Variants in HECW1 observed in about 807,000 individuals in gnomAD.
The protein encoded by HECW1 is E3 ubiquitin-protein ligase HECW1.
In HECW1, 61 loss-of-function variants were observed where a neutral mutation model predicts 182.3. That is an observed-to-expected ratio of 0.33 (90% CI 0.27 to 0.41). HECW1 has a LOEUF of 0.41. HECW1 is among the 10% of genes least tolerant of loss of function. The pLI is 1.00. For missense variants in HECW1, 1,739 were observed against 2,108.9 expected (o/e 0.82, Z 3.44); for synonymous variants, 859 against 832.6 (o/e 1.03, Z -0.55).
At chr7:43,258,005 T>C (rs1800762926) in intron 3 of HECW1, among the ~76,000 whole-genome samples, 1 of 152,162 alleles carries the variant, frequency 6.6e-6, no homozygotes, top group South Asian at 2.1e-4. Flanking sequence ...ATTTTATAGA[T>C]AATAAAATTG....
intron 2 of HECW1, among the ~76,000 whole-genome samples, chr7:43,119,479 C>T (rs924961101): frequency 5.3e-5 from 8 of 152,148 alleles, no homozygotes; most frequent in African/African-American, 1.4e-4. Context: ...AATGCGGGTA[C>T]GGGGATTCCC....
chr7:43,467,426 C>A (rs1436867879), intron 15 of HECW1, among the ~76,000 whole-genome samples: 2 of 151,790 alleles, frequency 1.3e-5, no homozygotes, highest in African/African-American at 4.8e-5. Flanking sequence ...GTGTGGGTGG[C>A]TGGCAGGAGG....
At chr7:43,141,152 G>A (rs994909778) in intron 2 of HECW1, among the ~76,000 whole-genome samples, 2 of 152,182 alleles carry the variant, frequency 1.3e-5, no homozygotes, top group Non-Finnish European at 2.9e-5. Flanking sequence ...CCAGCACTGC[G>A]AGGTGACATT....
At chr7:43,469,246 T>C in intron 16 of HECW1, 141 bp downstream of exon 16, 1 of 804,810 alleles carries the variant, frequency 1.2e-6, no homozygotes, top group Non-Finnish European at 2.0e-6. Context: ...AAGGGGCTGA[T>C]AACCACCCAC....
chr7:43,250,835 AAAATC>A (rs1486220574), intron 3 of HECW1, among the ~76,000 whole-genome samples: 1 of 152,186 alleles, frequency 6.6e-6, no homozygotes, highest in Non-Finnish European at 1.5e-5. Flanking sequence ...TCTCTTGAAA[AAAATC>A]AAAAGCTCCT....
intron 2 of HECW1, among the ~76,000 whole-genome samples, chr7:43,210,759 G>C (rs1795938923): frequency 6.6e-6 from 1 of 152,204 alleles, no homozygotes; most frequent in Admixed American, 6.5e-5. Context: ...ATCCAGAGCA[G>C]CAATGGGCGC....
intron 16 of HECW1, among the ~76,000 whole-genome samples, chr7:43,479,300 C>G (rs974985730): frequency 2.0e-5 from 3 of 152,078 alleles, no homozygotes; most frequent in African/African-American, 7.2e-5. Context: ...CAACCCAGAT[C>G]CCACACATGC....
chr7:43,195,960 G>C (rs1562659303), intron 2 of HECW1, among the ~76,000 whole-genome samples: 1 of 152,170 alleles, frequency 6.6e-6, no homozygotes, highest in African/African-American at 2.4e-5. Flanking sequence ...AGCGTATAAT[G>C]AGGTTCTAGG....
chr7:43,383,868 T>C (rs2074662293), intron 6 of HECW1, among the ~76,000 whole-genome samples: 1 of 152,210 alleles, frequency 6.6e-6, no homozygotes, highest in Admixed American at 6.5e-5. Flanking sequence ...TTGTATTATA[T>C]ACCATATTCT....
chr7:43,135,270 G>A (rs1297310840), intron 2 of HECW1, among the ~76,000 whole-genome samples: 7 of 152,086 alleles, frequency 4.6e-5, no homozygotes, highest in Non-Finnish European at 1.0e-4. Flanking sequence ...GCTGCCAGGT[G>A]GAGCTCCTGA....
At chr7:43,166,093 GT>G (rs1006956528) in intron 2 of HECW1, among the ~76,000 whole-genome samples, 1 of 151,806 alleles carries the variant, frequency 6.6e-6, no homozygotes, top group African/African-American at 2.4e-5. Context: ...TGTGTTTTTG[GT>G]TTTTTTTGAG....
rs988131517 is a variant in HECW1 at position 43,565,374 on chromosome 7, A to G, written c.*3448A>G. On this transcript the variant is annotated 3_prime_UTR_variant, in exon 30 of 30. Transcript: ENST00000395891. ...GAACAGTAAGTATATTTGTGTGGCA[A>G]GCCAATGGCTGAGTTTTCCAGGGTA... 6.3e-5 allele frequency: 13 copies of G among 205,716 alleles called. No homozygotes were observed. Among genetic ancestry groups the G allele is most frequent in the African/African-American group, 2.7e-4 (12 of 43,718 alleles). The allele number at this position is 205,716 out of a possible 1,614,324, so 12.7% of individuals were successfully genotyped here. A position where few individuals can be genotyped will look rare whatever the true frequency, so the allele number is the denominator to read the frequency against.
chr7:43,307,934 T>C (rs1807831484), intron 3 of HECW1, among the ~76,000 whole-genome samples: 2 of 132,412 alleles, frequency 1.5e-5, no homozygotes, highest in African/African-American at 5.6e-5. Flanking sequence ...ACACATATAG[T>C]GAAATGTATT....
chr7:43,564,852 G>A lies in HECW1; in HGVS notation c.*2926G>A, dbSNP rs570251571. 1 of 183,908 alleles carries A rather than the reference G, an allele frequency of 5.4e-6. No individual in the cohort carries two copies. The highest frequency in any genetic ancestry group is 6.2e-5 in the Admixed American group (1 of 16,012). The allele number at this position is 183,908 out of a possible 1,614,324, so 11.4% of individuals were successfully genotyped here. On this transcript the variant is annotated 3_prime_UTR_variant, in exon 30 of 30. Coordinates refer to ENST00000395891, the MANE Select transcript of HECW1 (RefSeq NM_015052.5). ...CCACCTTAAATTATATAGTTCGGCA[G>A]AAAGACAGATCTATTTGTTACCACC...
intron 2 of HECW1, among the ~76,000 whole-genome samples, chr7:43,233,941 T>C (rs73690279): frequency 0.021 from 3,210 of 152,322 alleles, 108 homozygotes; most frequent in African/African-American, 0.062. Context: ...AGATTGCAGC[T>C]TCTGGTACGG....
intron 21 of HECW1, among the ~76,000 whole-genome samples, chr7:43,506,819 C>A (rs2079593643): frequency 6.6e-6 from 1 of 152,174 alleles, no homozygotes; most frequent in South Asian, 2.1e-4. Context: ...GTAATCCCAG[C>A]ACTTTGGGAG....
chr7:43,151,448 G>A (rs1419849321), intron 2 of HECW1, among the ~76,000 whole-genome samples: 2 of 152,158 alleles, frequency 1.3e-5, no homozygotes, highest in East Asian at 1.9e-4. Flanking sequence ...GATGGGTTGG[G>A]GGAAGATGTG....
intron 2 of HECW1, among the ~76,000 whole-genome samples, chr7:43,222,388 A>G (rs1477406177): frequency 1.3e-5 from 2 of 152,180 alleles, no homozygotes; most frequent in Non-Finnish European, 2.9e-5. Context: ...TTGAAAGATT[A>G]TGGACTGTTC....
intron 3 of HECW1, chr7:43,249,467 C>G (rs1799805230): frequency 1.3e-5 from 2 of 152,230 alleles, no homozygotes; most frequent in African/African-American, 4.8e-5. Flanking sequence ...GTAGTCTGTC[C>G]TGTTCTTTCA....
Sources: allele counts gnomAD v4.1 joint callset (sites outside exome capture counted in the v4.1 genomes callset), GRCh38; gene constraint gnomAD v4.1.1; transcripts MANE v1.5; gene names NCBI Gene and HGNC (gene_info 2026-07-23, HGNC 2026-07-21).